The following ALK variants were observed in gnomAD, a reference collection of about 807,000 sequenced individuals.
ALK encodes the protein ALK receptor tyrosine kinase.
In ALK, 74 loss-of-function variants were observed where a neutral mutation model predicts 163.1. The ratio of observed to expected loss-of-function variants is 0.45; its 90% confidence interval spans 0.38 to 0.55. The LOEUF (loss-of-function observed/expected upper bound fraction) is 0.55, where lower values mean the gene tolerates loss of function less well. ALK is among the 20% of genes least tolerant of loss of function. The pLI is 0.00. For synonymous variants in ALK, 960 were observed against 843.2 expected (o/e 1.14, Z -2.40); for missense variants, 2,063 against 2,105.3 (o/e 0.98, Z 0.39).
Position 29,620,738 on chromosome 2 carries a change from G to A in ALK, c.952+74112C>T, listed in dbSNP as rs146435809. On this transcript the variant is annotated intron_variant, in intron 3 of 28. Transcript: ENST00000389048. Reference sequence around the variant, plus strand: ...CTAACTTAAACCGTTCTAAATGTTAGCAGAGTATTTAAAACTTCTTACATG... The same window carrying A: ...CTAACTTAAACCGTTCTAAATGTTAACAGAGTATTTAAAACTTCTTACATG... Among the ~76,000 whole-genome samples the A allele has an allele frequency of 7.1e-3, 1,077 of 152,256 alleles. 12 individuals carry two copies. Among genetic ancestry groups the A allele is most frequent in the South Asian group, 0.046 (223 of 4,818 alleles).
At chr2:29,791,138 T>C (rs1478826747) in intron 1 of ALK, among the ~76,000 whole-genome samples, 2 of 152,200 alleles carry the variant, frequency 1.3e-5, no homozygotes, top group African/African-American at 2.4e-5. Flanking sequence ...CTCTGTACCA[T>C]ATGTAATTGA....
intron 11 of ALK, among the ~76,000 whole-genome samples, chr2:29,257,576 A>T (rs2148202848): frequency 6.6e-6 from 1 of 152,356 alleles, no homozygotes; most frequent in South Asian, 2.1e-4. Context: ...AATACAAAGG[A>T]AAGTTCTCGA....
At chr2:29,233,412 C>A (rs1201497437) in intron 14 of ALK, among the ~76,000 whole-genome samples, 153 bp downstream of exon 14, 1 of 152,172 alleles carries the variant, frequency 6.6e-6, no homozygotes, top group African/African-American at 2.4e-5. Context: ...TCCCAAAATA[C>A]TAGGATTACA....
chr2:29,654,039 C>A (rs1677108902), intron 3 of ALK, among the ~76,000 whole-genome samples: 1 of 152,142 alleles, frequency 6.6e-6, no homozygotes, highest in Non-Finnish European at 1.5e-5. Flanking sequence ...GCCTGGGTGA[C>A]AGAGCAAGAC....
intron 6 of ALK, among the ~76,000 whole-genome samples, chr2:29,322,432 G>A (rs1203809646): frequency 6.6e-6 from 1 of 152,082 alleles, no homozygotes; most frequent in Non-Finnish European, 1.5e-5. Context: ...AGAACTTTCT[G>A]TTTTATTTTT....
At chr2:29,893,744 A>C (rs924580978) in intron 1 of ALK, among the ~76,000 whole-genome samples, 2 of 152,156 alleles carry the variant, frequency 1.3e-5, no homozygotes, top group Non-Finnish European at 2.9e-5. Context: ...AATAGAAATT[A>C]GCTTGTTTAA....
chr2:29,545,991 T>C (rs1037346254), intron 3 of ALK, among the ~76,000 whole-genome samples: 1 of 152,202 alleles, frequency 6.6e-6, no homozygotes, highest in Non-Finnish European at 1.5e-5. Context: ...AGAAATAATA[T>C]ATATTTATGC....
chr2:29,222,078 C>T (rs1232543056), intron 22 of ALK, among the ~76,000 whole-genome samples: 1 of 152,130 alleles, frequency 6.6e-6, no homozygotes, highest in Admixed American at 6.5e-5. Flanking sequence ...GAAGAAGAAC[C>T]AGTGGATAAC....
At chr2:29,585,360 CT>C (rs5830126) in intron 3 of ALK, among the ~76,000 whole-genome samples, 89,602 of 151,894 alleles carry the variant, frequency 0.59, 26,635 homozygotes, top group African/African-American at 0.65. Flanking sequence ...GAGTCTTGCT[CT>C]TGTCACCCAA....
intron 4 of ALK, among the ~76,000 whole-genome samples, chr2:29,516,628 G>C (rs1054392336): frequency 5.7e-4 from 87 of 152,172 alleles, no homozygotes; most frequent in African/African-American, 2.0e-3. Context: ...ATAGTGCAGT[G>C]GTGTCTGTGG....
At chr2:29,828,864 A>T (rs1665279217) in intron 1 of ALK, among the ~76,000 whole-genome samples, 1 of 152,098 alleles carries the variant, frequency 6.6e-6, no homozygotes, top group South Asian at 2.1e-4. Context: ...ACACATGCAC[A>T]TGTATGTTTA....
chr2:29,269,204 T>C (rs1307652768), intron 11 of ALK, among the ~76,000 whole-genome samples: 2 of 152,196 alleles, frequency 1.3e-5, no homozygotes, highest in African/African-American at 4.8e-5. Flanking sequence ...TGTGTTCAGA[T>C]GGAAGGAGGT....
chr2:29,902,137 A>C (rs2148431495), intron 1 of ALK, among the ~76,000 whole-genome samples: 1 of 152,290 alleles, frequency 6.6e-6, no homozygotes, highest in East Asian at 1.9e-4. Flanking sequence ...TTCTAGTGCC[A>C]TGTTTCCAGC....
chr2:29,573,493 G>T (rs1334459617), intron 3 of ALK, among the ~76,000 whole-genome samples: 1 of 152,138 alleles, frequency 6.6e-6, no homozygotes, highest in African/African-American at 2.4e-5. Flanking sequence ...TTCTTAAAAT[G>T]TAAAAAAAAT....
In ALK at chr2:29,754,146, A is replaced by C. The variant is rs1439049052; in HGVS notation, c.668-36449T>G. 3.3e-5 allele frequency among the ~76,000 whole-genome samples: 5 copies of C among 152,198 alleles called. No individual in the cohort carries two copies. In the East Asian group the frequency reaches 9.6e-4, roughly 29 times the overall value. On this transcript the variant is annotated intron_variant, in intron 1 of 28. Transcript: ENST00000389048. ...TTTTCTAACTCCTAAGGCAGTGCTC[A>C]TTCTGTTCTGCTCTAGACCATGCAC...
At chr2:29,903,068 G>T (rs4233751) in intron 1 of ALK, among the ~76,000 whole-genome samples, 94,371 of 151,882 alleles carry the variant, frequency 0.62, 29,716 homozygotes, top group East Asian at 0.77. Context: ...ATCCCCAAAT[G>T]CTGACTCAAA....
chr2:29,789,435 G>A (rs921451357), intron 1 of ALK, among the ~76,000 whole-genome samples: 19 of 152,196 alleles, frequency 1.2e-4, no homozygotes, highest in Non-Finnish European at 1.9e-4. Context: ...GAACTGACCA[G>A]TTGATTGACT....
intron 1 of ALK, among the ~76,000 whole-genome samples, chr2:29,749,194 G>T (rs947744342): frequency 1.3e-5 from 2 of 152,056 alleles, no homozygotes; most frequent in Non-Finnish European, 2.9e-5. Flanking sequence ...AGTCCCCAGG[G>T]TTTCTGATTC....
At chr2:29,540,230 G>A (rs895510051) in intron 3 of ALK, among the ~76,000 whole-genome samples, 7 of 152,104 alleles carry the variant, frequency 4.6e-5, no homozygotes, top group Admixed American at 1.3e-4. Flanking sequence ...CTGACCTGTG[G>A]TAAGTAAAAG....
Sources: gnomAD v4.1 joint callset for allele counts (sites outside exome capture counted in the v4.1 genomes callset) on GRCh38, gnomAD v4.1.1 for gene constraint, MANE v1.5 for transcripts, NCBI Gene and HGNC (gene_info 2026-07-23, HGNC 2026-07-21) for gene names.